Variants in TMCO4 observed in about 807,000 individuals in gnomAD.
TMCO4 encodes the protein transmembrane and coiled-coil domain-containing protein 4.
In TMCO4, 58 loss-of-function variants were observed where a neutral mutation model predicts 64.7. The observed-to-expected ratio is 0.90, with a 90% confidence interval of 0.73 to 1.12. The LOEUF is 1.12. Among genes scored for constraint, TMCO4 ranks in the 50% most tolerant of loss-of-function variants. TMCO4 has a pLI of 0.00. For missense variants in TMCO4, 780 were observed against 825.9 expected, an observed-to-expected ratio of 0.94 and a Z score of 0.68; for synonymous variants, 325 against 346.1, an observed-to-expected ratio of 0.94 and a Z score of 0.68.
Position 19,771,372 on chromosome 1 carries a change from T to C in TMCO4, c.290A>G (p.Asp97Gly). 4 of 1,614,134 alleles carry C rather than the reference T, an allele frequency of 2.5e-6. No homozygotes were observed. The highest frequency in any genetic ancestry group is 3.4e-6 in the Non-Finnish European group (4 of 1,180,030). The change falls in exon 5 of 16, where the codon GAT (aspartate) becomes GGT (glycine). Residue 97 changes from aspartate to glycine, a missense_variant. Asp to Gly is a moderately conservative substitution (Grantham distance 94). Coordinates refer to ENST00000294543, the MANE Select transcript of TMCO4 (RefSeq NM_181719.7). ...CTTCAGTAAAATTTGAACAAACACA[T>C]CTGCTCCTTCACCTCCCAGGCCGCT... ...FASGLGGEGA[D>G]VFVQILLKDP...
intron 10 of TMCO4, among the ~76,000 whole-genome samples, chr1:19,742,478 G>A (rs777382012): frequency 2.6e-4 from 39 of 152,170 alleles, no homozygotes; most frequent in Non-Finnish European, 4.3e-4. Flanking sequence ...AGGGTACCAC[G>A]TCCGCACAAG....
At chr1:19,765,524 T>C (rs1156766415) in intron 6 of TMCO4, among the ~76,000 whole-genome samples, 4 of 151,804 alleles carry the variant, frequency 2.6e-5, no homozygotes, top group Non-Finnish European at 5.9e-5. Flanking sequence ...AGGCCAGGGA[T>C]GTGGCTAAGC....
intron 2 of TMCO4, among the ~76,000 whole-genome samples, chr1:19,793,082 T>A (rs2044132197): frequency 6.6e-6 from 1 of 152,068 alleles, no homozygotes; most frequent in Non-Finnish European, 1.5e-5. Context: ...AGTGTCAAAT[T>A]TGATGTGACT....
At position 19,755,737 on chromosome 1, in the gene TMCO4, C is replaced by T. The variant is rs139821410; in HGVS notation, c.412G>A (p.Val138Ile). The change falls in exon 7 of 16, where the codon GTT becomes ATT. Residue 138 changes from valine (V) to isoleucine (I), a missense_variant. Transcript: ENST00000294543. Reference sequence around the variant, plus strand: ...TGGAGCAGGGAGGTCATGTGGCAAACGAGGACTCTGGCCCGGGCGTCATAG... The same window carrying T: ...TGGAGCAGGGAGGTCATGTGGCAAATGAGGACTCTGGCCCGGGCGTCATAG... ...GHYDARARVL[V>I]CHMTSLLQVP... 7.7e-5 allele frequency: 125 copies of T among 1,613,940 alleles called. No individual in the cohort carries two copies. In the African/African-American group the frequency reaches 1.2e-3, roughly 15 times the overall value.
intron 13 of TMCO4, among the ~76,000 whole-genome samples, chr1:19,735,462 G>A (rs746227045): frequency 2.0e-4 from 30 of 152,226 alleles, no homozygotes; most frequent in Middle Eastern, 6.8e-3. Context: ...TGGGAGCAGC[G>A]AGCAGGAAAG....
At chr1:19,724,697 T>C (rs916196063) in intron 13 of TMCO4, among the ~76,000 whole-genome samples, 2 of 152,206 alleles carry the variant, frequency 1.3e-5, no homozygotes, top group African/African-American at 4.8e-5. Flanking sequence ...ACCCAGACAG[T>C]AACTAGTGGA....
intron 6 of TMCO4, among the ~76,000 whole-genome samples, chr1:19,761,404 C>G (rs1359516881): frequency 6.6e-6 from 1 of 152,230 alleles, no homozygotes. Flanking sequence ...GATAGATGTG[C>G]AGATTCCAGT....
At chr1:19,722,288 T>C (rs567883223) in intron 13 of TMCO4, among the ~76,000 whole-genome samples, 1 of 152,330 alleles carries the variant, frequency 6.6e-6, no homozygotes, top group Admixed American at 6.5e-5. Flanking sequence ...TAAGATGTTC[T>C]AGCAGTGCCT....
rs59600503 is a variant in TMCO4, at chr1:19,709,286, C to CGG, written c.1265-8403_1265-8402dup. ...GATAAGGCTATTACTAACATCCCGG[C>CGG]GGGGGGGGGGGACCCTAAAAATTAA... On this transcript the variant is annotated intron_variant, in intron 13 of 15. Transcript: ENST00000294543. 4.2e-3 allele frequency among the ~76,000 whole-genome samples: 526 copies of CGG among 125,784 alleles called. 3 individuals are homozygous for CGG. The highest frequency in any genetic ancestry group is 7.3e-3 in the East Asian group (31 of 4,224). The allele number at this position is 125,784 out of a possible 152,430, so 82.5% of individuals were successfully genotyped here.
At chr1:19,745,379 T>C in intron 10 of TMCO4, 153 bp downstream of exon 10, 1 of 1,190,418 alleles carries the variant, frequency 8.4e-7, no homozygotes, top group Non-Finnish European at 1.2e-6. Flanking sequence ...AGATGTGAGA[T>C]GAAGTTGCCT....
intron 3 of TMCO4, among the ~76,000 whole-genome samples, chr1:19,785,777 C>T (rs1469093149): frequency 1.3e-5 from 2 of 152,154 alleles, no homozygotes; most frequent in East Asian, 1.9e-4. Flanking sequence ...CTAAGCATTC[C>T]TTCAGGAAGT....
In TMCO4 at chr1:19,780,737, ATG is replaced by A; in HGVS notation, c.20_21del (p.Pro7LeufsTer12). ...AGAGGCTGCTGAGGCAGCCTCTGGC[ATG>A]GCCTGTTCCACATGGCCATTCCCAG... is the stretch of plus-strand genomic sequence containing the variant. MAMWNR[P>X]CQRLPQQPLV... On this transcript the variant is annotated frameshift_variant, in exon 4 of 16. Coordinates refer to ENST00000294543, the MANE Select transcript of TMCO4 (RefSeq NM_181719.7). LOFTEE classifies it high-confidence loss of function. The A allele has an allele frequency of 5.0e-6, 8 of 1,599,688 alleles. No individual in the cohort carries two copies. The highest frequency in any genetic ancestry group is 6.0e-6 in the Non-Finnish European group (7 of 1,176,254).
At chr1:19,754,072 G>A (rs753701741) in intron 7 of TMCO4, among the ~76,000 whole-genome samples, 8 of 152,162 alleles carry the variant, frequency 5.3e-5, no homozygotes, top group Non-Finnish European at 8.8e-5. Context: ...CATTTTACAG[G>A]TGAGGAAGTT....
Position 19,722,881 on chromosome 1 carries a change from C to T in TMCO4, c.1264+14491G>A, listed in dbSNP as rs1010273227. On this transcript the variant is annotated intron_variant, in intron 13 of 15. Transcript: ENST00000294543. The stretch of plus-strand genomic sequence containing the variant: ...TGTGATCCTCAGCCTCTCCTCCTTC[C>T]GTGCCTGTGTTTCTCTCTGCCCACC... Among the ~76,000 whole-genome samples, 10 of 152,252 alleles carry T rather than the reference C, an allele frequency of 6.6e-5. No individual in the cohort carries two copies. The East Asian group carries it at 1.5e-3, about 24-fold the overall frequency.
intron 7 of TMCO4, among the ~76,000 whole-genome samples, chr1:19,752,831 C>G (rs1206031220): frequency 1.3e-5 from 2 of 151,320 alleles, no homozygotes; most frequent in East Asian, 3.9e-4. Flanking sequence ...TTGTGAAACA[C>G]TTAGGGGGCT....
At chr1:19,698,167 GCTCA>G (rs1336560080) in intron 14 of TMCO4, among the ~76,000 whole-genome samples, 1 of 152,176 alleles carries the variant, frequency 6.6e-6, no homozygotes, top group African/African-American at 2.4e-5. Context: ...GGCAGACATG[GCTCA>G]CTCACAAGGC....
intron 3 of TMCO4, among the ~76,000 whole-genome samples, chr1:19,781,723 T>C (rs978838323): frequency 3.3e-5 from 5 of 150,916 alleles, no homozygotes; most frequent in Non-Finnish European, 7.4e-5. Flanking sequence ...CTTGGCTCAC[T>C]GCAAGCTCCG....
chr1:19,758,994 C>T (rs548206228), intron 6 of TMCO4, among the ~76,000 whole-genome samples: 5 of 148,888 alleles, frequency 3.4e-5, no homozygotes, highest in East Asian at 4.0e-4. Flanking sequence ...CCCAGCTACT[C>T]GGGAGGCTAA....
At chr1:19,791,864 C>T (rs2044056765) in intron 2 of TMCO4, among the ~76,000 whole-genome samples, 1 of 152,146 alleles carries the variant, frequency 6.6e-6, no homozygotes, top group Admixed American at 6.5e-5. Flanking sequence ...GGCTGTGTCC[C>T]CACCCAAATC....
Sources: allele counts gnomAD v4.1 joint callset (sites outside exome capture counted in the v4.1 genomes callset), GRCh38; gene constraint gnomAD v4.1.1; transcripts MANE v1.5; gene names NCBI Gene and HGNC (gene_info 2026-07-23, HGNC 2026-07-21).